SLC35D1: variants seen among roughly 807,000 people sequenced by gnomAD.
SLC35D1 encodes the protein nucleotide sugar transporter SLC35D1.
In SLC35D1, 31 loss-of-function variants were observed where a neutral mutation model predicts 46.7. That is an observed-to-expected ratio of 0.66 (90% CI 0.50 to 0.90). The LOEUF (loss-of-function observed/expected upper bound fraction) is 0.90. Ranked by LOEUF, SLC35D1 falls within the 40% of genes least tolerant of loss-of-function variation. The pLI, the probability that SLC35D1 is intolerant of heterozygous loss-of-function variation, is 0.00. For missense variants in SLC35D1, 397 were observed against 426.2 expected (o/e 0.93, Z 0.60); for synonymous variants, 195 against 164.6 (o/e 1.18, Z -1.41).
intron 1 of SLC35D1, 103 bp from the exon 2 acceptor site, chr1:67,053,092 G>A: frequency 7.5e-7 from 1 of 1,328,364 alleles, no homozygotes; most frequent in East Asian, 2.5e-5. Flanking sequence ...TCCGATACAA[G>A]CCACATCAAC....
At position 67,050,448 on chromosome 1, in the gene SLC35D1, T is replaced by G; in HGVS notation, c.449A>C (p.Glu150Ala). The G allele has an allele frequency of 6.2e-7, 1 of 1,613,378 alleles. No individual in the cohort carries two copies. The highest frequency in any genetic ancestry group is 8.5e-7 in the Non-Finnish European group (1 of 1,179,510). The change falls in exon 5 of 12, where the codon GAA becomes GCA. Residue 150 changes from glutamate (E) to alanine (A), a missense_variant. Coordinates refer to ENST00000235345, the MANE Select transcript of SLC35D1 (RefSeq NM_015139.3). ...RFSILFTMFA[E>A]GVLLKKTFSW... ...CTTAGCTCACTTGAGTAAAACTCCTTCAGCAAACATTGTAAACAGGATGGA... is the reference window on the plus strand; with the variant it reads ...CTTAGCTCACTTGAGTAAAACTCCTGCAGCAAACATTGTAAACAGGATGGA...
chr1:67,009,089 T>C lies in SLC35D1; in HGVS notation c.955A>G (p.Ile319Val), dbSNP rs199878087. Residue 319 changes from isoleucine to valine, a missense_variant, in exon 11 of 12, where the codon ATC (isoleucine) becomes GTC (valine). Coordinates refer to ENST00000235345, the MANE Select transcript of SLC35D1 (RefSeq NM_015139.3). ...FTWTNFIGLNISIAGSLVYSY... is the reference protein window; with the variant it reads ...FTWTNFIGLNVSIAGSLVYSY... The stretch of plus-strand genomic sequence containing the variant: ...TAATTAAATATTTTTACTTACCTGA[T>C]ATTTAAACCAATGAAGTTTGTCCAC... 81 of 1,449,088 alleles carry C rather than the reference T, an allele frequency of 5.6e-5. No homozygotes were observed. Among genetic ancestry groups the C allele is most frequent in the Non-Finnish European group, 6.9e-5 (71 of 1,033,244 alleles). The allele number at this position is 1,449,088 out of a possible 1,614,324, so 89.8% of individuals were successfully genotyped here.
At chr1:66,983,810 C>G in the SLC35D1 span, among the ~76,000 whole-genome samples, 1 of 152,200 alleles carries the variant, frequency 6.6e-6, no homozygotes, top group African/African-American at 2.4e-5. Flanking sequence ...TCACTGCAAC[C>G]TCCGCCTCCT....
At chr1:67,036,128 G>A (rs779183649) in intron 8 of SLC35D1, among the ~76,000 whole-genome samples, 1 of 152,096 alleles carries the variant, frequency 6.6e-6, no homozygotes, top group African/African-American at 2.4e-5. Flanking sequence ...AAGGATCCAT[G>A]TGCTGGGAAA....
chr1:66,990,886 C>T, the SLC35D1 span, among the ~76,000 whole-genome samples: 1 of 152,154 alleles, frequency 6.6e-6, no homozygotes, highest in Non-Finnish European at 1.5e-5. Context: ...AGGGTCGAGT[C>T]TGTTTTCCTC....
chr1:67,035,368 A>C (rs557576432), intron 8 of SLC35D1, among the ~76,000 whole-genome samples: 12 of 152,210 alleles, frequency 7.9e-5, no homozygotes, highest in Non-Finnish European at 1.8e-4. Context: ...CTTTGATCTC[A>C]TTCCTTGTTA....
intron 8 of SLC35D1, among the ~76,000 whole-genome samples, chr1:67,031,192 CTTTT>C (rs987024354): frequency 6.6e-6 from 1 of 151,472 alleles, no homozygotes; most frequent in Non-Finnish European, 1.5e-5. Context: ...TCTCATGGGA[CTTTT>C]TTTTTATTTC....
chr1:67,049,014 GC>G (rs1645280314), intron 6 of SLC35D1, among the ~76,000 whole-genome samples: 2 of 152,186 alleles, frequency 1.3e-5, no homozygotes, highest in African/African-American at 4.8e-5. Flanking sequence ...GGAACGCCAG[GC>G]CAGGCGCGGT....
rs1199558502 is a variant in SLC35D1 at position 67,001,929 on chromosome 1, G to A, written c.*2411C>T. 1 of 152,344 alleles carries A rather than the reference G, an allele frequency of 6.6e-6. No individual in the cohort carries two copies. The highest frequency in any genetic ancestry group is 2.4e-5 in the African/African-American group (1 of 41,450). 9.4% of individuals were successfully genotyped at this position (152,344 alleles called of 1,614,324 possible). ...CACAGAAGCCTGTCACGTGCATTTAGTGAAGCTGTAACTACACAATGTTCT... is the reference window on the plus strand; with the variant it reads ...CACAGAAGCCTGTCACGTGCATTTAATGAAGCTGTAACTACACAATGTTCT... On this transcript the variant is annotated 3_prime_UTR_variant, in exon 12 of 12. Transcript: ENST00000235345.
chr1:67,028,321 G>A (rs1667955071), intron 8 of SLC35D1, among the ~76,000 whole-genome samples: 1 of 152,168 alleles, frequency 6.6e-6, no homozygotes, highest in Non-Finnish European at 1.5e-5. Flanking sequence ...CTGTTGTTGA[G>A]TGGATTGTTC....
At chr1:67,048,102 T>G (rs1352869899) in intron 6 of SLC35D1, among the ~76,000 whole-genome samples, 1 of 152,226 alleles carries the variant, frequency 6.6e-6, no homozygotes, top group East Asian at 1.9e-4. Flanking sequence ...GCAGAGATAC[T>G]GTATAGGAGC....
intron 8 of SLC35D1, 45 bp downstream of exon 8, chr1:67,042,191 C>G (rs749923146): frequency 6.8e-7 from 1 of 1,465,710 alleles, no homozygotes; most frequent in South Asian, 1.1e-5. Flanking sequence ...AATAATAATG[C>G]AGTTCATCAA....
chr1:67,020,873 T>C (rs545256505), intron 9 of SLC35D1, among the ~76,000 whole-genome samples: 3 of 152,224 alleles, frequency 2.0e-5, no homozygotes, highest in African/African-American at 7.2e-5. Context: ...AAATTAAAAC[T>C]ACTTTAAGAG....
intron 10 of SLC35D1, 51 bp from the exon 11 acceptor site, chr1:67,009,218 T>C (rs1226165472): frequency 1.6e-6 from 1 of 643,678 alleles, no homozygotes; most frequent in Non-Finnish European, 2.6e-6. Flanking sequence ...CTGAGCTTCT[T>C]AAATATATAT....
At chr1:67,018,304 A>AC (rs942118358) in intron 10 of SLC35D1, among the ~76,000 whole-genome samples, 20 of 152,320 alleles carry the variant, frequency 1.3e-4, no homozygotes, top group Middle Eastern at 6.8e-3. Flanking sequence ...TCATTTGAAT[A>AC]CAGGGATCCA....
Position 67,021,590 on chromosome 1 carries a change from C to T in SLC35D1, c.742G>A (p.Glu248Lys). ...AGAAAGAGGGTGTCAGCCCAGCCTT[C>T]AAACTCCACAGCCTGCAACACACAA... ...TGDAQKAVEFEGWADTLFLLQ... is the reference protein window; with the variant it reads ...TGDAQKAVEFKGWADTLFLLQ... Residue 248 changes from glutamate to lysine, a missense_variant, in exon 9 of 12, where the codon GAA becomes AAA. Physicochemically the swap from Glu to Lys is moderately conservative, Grantham distance 56. Coordinates refer to ENST00000235345, the MANE Select transcript of SLC35D1 (RefSeq NM_015139.3). The T allele has an allele frequency of 6.2e-6, 10 of 1,613,904 alleles. No homozygotes were observed. The highest frequency in any genetic ancestry group is 8.5e-6 in the Non-Finnish European group (10 of 1,179,908).
At chr1:67,053,645 C>T (rs575684896) in intron 1 of SLC35D1, among the ~76,000 whole-genome samples, 166 bp downstream of exon 1, 1 of 151,886 alleles carries the variant, frequency 6.6e-6, no homozygotes, top group Non-Finnish European at 1.5e-5. Context: ...CTCGCCAGGC[C>T]GGCTCCGCTG....
intron 10 of SLC35D1, among the ~76,000 whole-genome samples, chr1:67,017,732 A>T (rs1009582345): frequency 1.3e-5 from 2 of 152,204 alleles, no homozygotes; most frequent in Non-Finnish European, 2.9e-5. Context: ...AACATCTCTT[A>T]TTAAAGATCT....
intron 6 of SLC35D1, among the ~76,000 whole-genome samples, chr1:67,049,166 C>T (rs1450920040): frequency 2.6e-5 from 4 of 152,052 alleles, no homozygotes; most frequent in Non-Finnish European, 5.9e-5. Flanking sequence ...TGGTGGCAGA[C>T]ACCTGTAGTC....
Sources: allele counts gnomAD v4.1 joint callset (sites outside exome capture counted in the v4.1 genomes callset), GRCh38; gene constraint gnomAD v4.1.1; transcripts MANE v1.5; gene names NCBI Gene and HGNC (gene_info 2026-07-23, HGNC 2026-07-21).